The following CCDC178 variants were observed in gnomAD, a reference collection of about 807,000 sequenced individuals.
The protein encoded by CCDC178 is coiled-coil domain containing 178.
Under a neutral mutation model 117.4 loss-of-function variants are expected in CCDC178, and 126 were observed. That is an observed-to-expected ratio of 1.07 (90% CI 0.93 to 1.24). The LOEUF (loss-of-function observed/expected upper bound fraction) is 1.24. CCDC178 is among the 50% of genes most tolerant of loss of function. CCDC178 has a pLI of 0.00. For synonymous variants in CCDC178, 283 were observed against 313.4 expected, an observed-to-expected ratio of 0.90 and a Z score of 1.02; for missense variants, 1,030 against 986.9, an observed-to-expected ratio of 1.04 and a Z score of -0.59.
intron 21 of CCDC178, among the ~76,000 whole-genome samples, chr18:33,002,293 T>C (rs1044922879): frequency 6.6e-6 from 1 of 151,776 alleles, no homozygotes; most frequent in Non-Finnish European, 1.5e-5. Flanking sequence ...AAACAAGTCT[T>C]ACAAAAATTC....
chr18:33,358,583 C>T (rs1172123289), intron 6 of CCDC178, among the ~76,000 whole-genome samples: 1 of 151,598 alleles, frequency 6.6e-6, no homozygotes, highest in African/African-American at 2.4e-5. Context: ...AACTAATTTT[C>T]CTTAGTAAAA....
chr18:33,165,926 A>G (rs1031548365), intron 20 of CCDC178, among the ~76,000 whole-genome samples: 9 of 152,206 alleles, frequency 5.9e-5, no homozygotes, highest in African/African-American at 2.2e-4. Flanking sequence ...TTTTTGCACC[A>G]ACCTAATATT....
At chr18:33,283,174 T>C (rs2060046707) in intron 12 of CCDC178, among the ~76,000 whole-genome samples, 1 of 152,006 alleles carries the variant, frequency 6.6e-6, no homozygotes. Flanking sequence ...CAGGGCCCAA[T>C]ACAAGTCCTC....
intron 21 of CCDC178, among the ~76,000 whole-genome samples, chr18:33,001,031 T>G (rs899199166): frequency 6.6e-6 from 1 of 152,136 alleles, no homozygotes; most frequent in African/African-American, 2.4e-5. Context: ...GACAGCATAA[T>G]AAGATATAAA....
chr18:32,979,303 C>A (rs909398561), intron 21 of CCDC178, among the ~76,000 whole-genome samples: 1 of 151,700 alleles, frequency 6.6e-6, no homozygotes, highest in African/African-American at 2.4e-5. Context: ...TTACAGGCGA[C>A]CCCTGCCCCC....
intron 21 of CCDC178, among the ~76,000 whole-genome samples, chr18:32,987,414 TATCTA>T (rs1390994783): frequency 1.1e-4 from 16 of 152,086 alleles, no homozygotes; most frequent in Non-Finnish European, 2.2e-4. Flanking sequence ...CATATATATA[TATCTA>T]GGTCTATAGA....
intron 20 of CCDC178, among the ~76,000 whole-genome samples, chr18:33,177,698 T>A (rs2058679284): frequency 6.6e-6 from 1 of 152,224 alleles, no homozygotes. Context: ...TGAATTTGTC[T>A]ACCTTTCTAG....
intron 22 of CCDC178, among the ~76,000 whole-genome samples, chr18:32,949,251 G>A (rs563219057): frequency 3.3e-4 from 50 of 151,990 alleles, no homozygotes; most frequent in African/African-American, 1.1e-3. Context: ...TGAGGTTGGG[G>A]TTTCTTGAGA....
At chr18:33,167,282 T>A (rs2058544750) in intron 20 of CCDC178, among the ~76,000 whole-genome samples, 1 of 152,168 alleles carries the variant, frequency 6.6e-6, no homozygotes, top group African/African-American at 2.4e-5. Context: ...TTATGTATAC[T>A]CAATAATGGA....
At chr18:33,298,726 C>G (rs892811169) in intron 11 of CCDC178, among the ~76,000 whole-genome samples, 1 of 151,984 alleles carries the variant, frequency 6.6e-6, no homozygotes, top group Non-Finnish European at 1.5e-5. Flanking sequence ...ATCTTGTATA[C>G]AGAAAAACCT....
rs563045501 is a variant in CCDC178 at position 32,956,318 on chromosome 18, G to A, written c.2524-18227C>T. Among the ~76,000 whole-genome samples the A allele has an allele frequency of 7.2e-5, 11 of 152,022 alleles. No homozygotes were observed. In the East Asian group the frequency reaches 9.7e-4, roughly 13 times the overall value. ...AACTAATTATTTATTTATTTTTTAC[G>A]TAACTAAGAAATACAGCATAAAGTG... On this transcript the variant is annotated intron_variant, in intron 22 of 22. Coordinates refer to ENST00000383096, the MANE Select transcript of CCDC178 (RefSeq NM_001105528.4).
intron 3 of CCDC178, among the ~76,000 whole-genome samples, 155 bp downstream of exon 3, chr18:33,411,876 T>G (rs1428327150): frequency 6.6e-6 from 1 of 152,182 alleles, no homozygotes; most frequent in Non-Finnish European, 1.5e-5. Context: ...CACTCTTTTC[T>G]CTTAGCTCAC....
intron 20 of CCDC178, among the ~76,000 whole-genome samples, chr18:33,143,392 G>A (rs549874342): frequency 9.2e-5 from 14 of 152,230 alleles, no homozygotes; most frequent in African/African-American, 2.4e-4. Context: ...ATTTGGCTAC[G>A]TGTTCTCATC....
intron 9 of CCDC178, among the ~76,000 whole-genome samples, chr18:33,338,582 T>C (rs1202897730): frequency 6.6e-6 from 1 of 152,208 alleles, no homozygotes; most frequent in East Asian, 1.9e-4. Context: ...AGGAATAAAA[T>C]AATGGCATTC....
At chr18:33,356,998 C>G (rs921313445) in intron 6 of CCDC178, among the ~76,000 whole-genome samples, 1 of 148,874 alleles carries the variant, frequency 6.7e-6, no homozygotes, top group Non-Finnish European at 1.5e-5. Flanking sequence ...ATGACAAGAA[C>G]TTTGGCTTTT....
chr18:33,389,352 AC>A (rs762901227), intron 5 of CCDC178, among the ~76,000 whole-genome samples, 187 bp downstream of exon 5: 10 of 151,936 alleles, frequency 6.6e-5, no homozygotes, highest in Non-Finnish European at 1.3e-4. Flanking sequence ...CCCAGATTAT[AC>A]ATTAACAATA....
At chr18:32,942,943 A>T (rs2054272459) in intron 22 of CCDC178, among the ~76,000 whole-genome samples, 1 of 152,170 alleles carries the variant, frequency 6.6e-6, no homozygotes, top group Non-Finnish European at 1.5e-5. Context: ...TTGGTGGGGA[A>T]GCATTCATAA....
At chr18:33,107,873 A>C (rs1938820287) in intron 20 of CCDC178, among the ~76,000 whole-genome samples, 1 of 151,736 alleles carries the variant, frequency 6.6e-6, no homozygotes, top group Admixed American at 6.6e-5. Flanking sequence ...AGCATTGTGC[A>C]TGTATGGAAA....
At chr18:33,146,687 C>T (rs747446432) in intron 20 of CCDC178, among the ~76,000 whole-genome samples, 4 of 151,964 alleles carry the variant, frequency 2.6e-5, no homozygotes, top group Non-Finnish European at 4.4e-5. Flanking sequence ...AATGAAGGTG[C>T]CCCAGGGAAA....
Sources: allele counts gnomAD v4.1 joint callset (sites outside exome capture counted in the v4.1 genomes callset), GRCh38; gene constraint gnomAD v4.1.1; transcripts MANE v1.5; gene names NCBI Gene and HGNC (gene_info 2026-07-23, HGNC 2026-07-21).